GXYLT2: variants seen among roughly 807,000 people sequenced by gnomAD.
GXYLT2 encodes glucoside xylosyltransferase 2, also known as glycosyltransferase 8 domain containing 4.
A neutral mutation model predicts 45.8 loss-of-function variants in GXYLT2; 53 were observed. The ratio of observed to expected loss-of-function variants is 1.16; its 90% CI spans 0.93 to 1.46. The LOEUF (loss-of-function observed/expected upper bound fraction) is 1.46, where lower values mean the gene tolerates loss of function less well. Ranked by LOEUF, GXYLT2 falls within the 40% of genes most tolerant of loss-of-function variation. The probability of loss-of-function intolerance (pLI) is 0.00; values close to 1 mark genes in which losing one functional copy is unlikely to be tolerated. For missense variants in GXYLT2, 551 were observed against 544.4 expected (o/e 1.01, Z -0.12); for synonymous variants, 219 against 214.2 (o/e 1.02, Z -0.19).
At chr3:72,907,175 G>A (rs536379892) in intron 1 of GXYLT2, among the ~76,000 whole-genome samples, 7 of 152,230 alleles carry the variant, frequency 4.6e-5, no homozygotes, top group Admixed American at 3.3e-4. Flanking sequence ...TGTGATCCCC[G>A]AAGTAAATGG....
chr3:72,944,441 G>T (rs1021182581), intron 3 of GXYLT2, among the ~76,000 whole-genome samples: 1 of 151,948 alleles, frequency 6.6e-6, no homozygotes, highest in African/African-American at 2.4e-5. Flanking sequence ...TTTTAGTGGA[G>T]ATGGGGTTTC....
At chr3:72,953,263 C>T (rs1383893440) in intron 3 of GXYLT2, among the ~76,000 whole-genome samples, 1 of 152,168 alleles carries the variant, frequency 6.6e-6, no homozygotes, top group East Asian at 1.9e-4. Context: ...TTTATTAGGA[C>T]ACACAGCCAC....
chr3:72,974,920 C>A, intron 6 of GXYLT2, 57 bp from the exon 7 acceptor site: 1 of 1,257,498 alleles, frequency 8.0e-7, no homozygotes, highest in Non-Finnish European at 1.1e-6. Flanking sequence ...TAAAAATGAT[C>A]TGCATTTAAA....
chr3:72,914,911 C>T (rs947986737), intron 2 of GXYLT2, among the ~76,000 whole-genome samples: 11 of 152,058 alleles, frequency 7.2e-5, no homozygotes, highest in Admixed American at 5.2e-4. Context: ...TTGGGCCAGA[C>T]GCAGTGGCTC....
chr3:72,917,443 G>C (rs1709762789), intron 2 of GXYLT2, among the ~76,000 whole-genome samples: 1 of 152,078 alleles, frequency 6.6e-6, no homozygotes, highest in African/African-American at 2.4e-5. Flanking sequence ...CCTGGTGTGG[G>C]TTCTAATTGG....
intron 2 of GXYLT2, among the ~76,000 whole-genome samples, chr3:72,910,897 T>C (rs1275863775): frequency 6.6e-6 from 1 of 152,178 alleles, no homozygotes; most frequent in Non-Finnish European, 1.5e-5. Context: ...TCATGTCTTG[T>C]ACAATATCTG....
chr3:72,889,907 GTTTTTTTTTT>G (rs5850087), intron 1 of GXYLT2, among the ~76,000 whole-genome samples: 1 of 118,786 alleles, frequency 8.4e-6, no homozygotes, highest in East Asian at 2.5e-4. Flanking sequence ...TTTTTTTTTT[GTTTTTTTTTT>G]TTTTTTGTGA....
At chr3:72,929,559 G>C in intron 3 of GXYLT2, 1 of 1,147,674 alleles carries the variant, frequency 8.7e-7, no homozygotes, top group Admixed American at 1.7e-5. Context: ...ATATCTCTTT[G>C]ACAAGCACAC....
Position 72,908,308 on chromosome 3 carries a change from T to C in GXYLT2, c.276-59T>C, listed in dbSNP as rs568412895. 431 of 1,297,700 alleles carry C rather than the reference T, an allele frequency of 3.3e-4. 9 individuals are homozygous for C. The South Asian group carries it at 5.7e-3, about 17-fold the overall frequency. 80.4% of individuals were successfully genotyped at this position (1,297,700 alleles called of 1,614,324 possible). On this transcript the variant is annotated intron_variant, in intron 1 of 6. Coordinates refer to ENST00000389617, the MANE Select transcript of GXYLT2 (RefSeq NM_001080393.2). The stretch of plus-strand genomic sequence containing the variant: ...TTCTAACCATTCACTCGCCGGTTTT[T>C]TGTTGTTTTTACTTTTTTGAGTTTA...
chr3:72,943,758 G>A (rs1414293992), intron 3 of GXYLT2, among the ~76,000 whole-genome samples: 1 of 152,092 alleles, frequency 6.6e-6, no homozygotes, highest in African/African-American at 2.4e-5. Flanking sequence ...CAGTTCTGTG[G>A]CATTAAGGAC....
intron 5 of GXYLT2, among the ~76,000 whole-genome samples, chr3:72,965,468 C>A (rs1244201543): frequency 6.6e-6 from 1 of 152,182 alleles, no homozygotes; most frequent in African/African-American, 2.4e-5. Flanking sequence ...CAGGGTCTTT[C>A]TCATGATCAG....
At chr3:72,971,152 G>T (rs1392141343) in intron 6 of GXYLT2, among the ~76,000 whole-genome samples, 1 of 152,130 alleles carries the variant, frequency 6.6e-6, no homozygotes, top group Non-Finnish European at 1.5e-5. Flanking sequence ...GTCACCCCTG[G>T]TTTGGAGTTG....
chr3:72,961,970 T>G (rs1054311000), intron 5 of GXYLT2, among the ~76,000 whole-genome samples: 2 of 152,026 alleles, frequency 1.3e-5, no homozygotes, highest in Non-Finnish European at 2.9e-5. Flanking sequence ...TACACGTAGA[T>G]TGTGAGTCAA....
rs748420610 is a variant in GXYLT2 at position 72,967,627 on chromosome 3, C to T, written c.1057C>T (p.His353Tyr). 5 of 1,613,786 alleles carry T rather than the reference C, an allele frequency of 3.1e-6. No individual in the cohort carries two copies. The Admixed American group carries it at 5.0e-5, about 16-fold the overall frequency. ...MYGSNCREAE[H>Y]EGVSVLHGNR... is the part of the protein sequence containing the mutation. ...CGGAAGCAACTGCAGAGAGGCTGAGCATGAAGGTGTGTCTGTTCTGCATGG... is the reference window on the plus strand; with the variant it reads ...CGGAAGCAACTGCAGAGAGGCTGAGTATGAAGGTGTGTCTGTTCTGCATGG... Residue 353 changes from histidine (H) to tyrosine (Y), a missense_variant, in exon 6 of 7, where the codon CAT becomes TAT. His to Tyr is a moderately conservative substitution (Grantham distance 83, BLOSUM62 2). Transcript: ENST00000389617.
chr3:72,894,820 T>C (rs143178680), intron 1 of GXYLT2, among the ~76,000 whole-genome samples: 9 of 152,296 alleles, frequency 5.9e-5, no homozygotes, highest in East Asian at 3.9e-4. Flanking sequence ...TTGCAAACAA[T>C]TGTGGTTCTT....
Position 72,928,964 on chromosome 3 carries a change from C to G in GXYLT2, c.600+6629C>G, listed in dbSNP as rs115980940. 5,677 of 850,046 alleles carry G rather than the reference C, an allele frequency of 6.7e-3. 217 individuals carry two copies. In the African/African-American group the frequency reaches 0.084, roughly 13 times the overall value. 52.7% of individuals were successfully genotyped at this position (850,046 alleles called of 1,614,324 possible). On this transcript the variant is annotated intron_variant, in intron 3 of 6. Transcript: ENST00000389617. ...AGCCAGTCCTCCGTCACCACTTCAC[C>G]GCGCCCTCGGTACCGCCCCAAGGCC...
intron 2 of GXYLT2, among the ~76,000 whole-genome samples, chr3:72,916,741 A>G (rs1006283449): frequency 8.6e-5 from 13 of 151,496 alleles, no homozygotes; most frequent in Non-Finnish European, 1.5e-4. Flanking sequence ...GGGTTTCACC[A>G]TGTTGGCCAG....
At chr3:72,965,503 G>T (rs1448876620) in intron 5 of GXYLT2, among the ~76,000 whole-genome samples, 2 of 152,092 alleles carry the variant, frequency 1.3e-5, no homozygotes, top group Non-Finnish European at 2.9e-5. Flanking sequence ...AGAGAGCTTT[G>T]ATCCATACTC....
At chr3:72,957,124 T>C in intron 4 of GXYLT2, 105 bp from the exon 5 acceptor site, 1 of 1,192,878 alleles carries the variant, frequency 8.4e-7, no homozygotes, top group Non-Finnish European at 1.2e-6. Flanking sequence ...CCTGTATTTG[T>C]TTCCCTCCTC....
Sources: gnomAD v4.1 joint callset for allele counts (sites outside exome capture counted in the v4.1 genomes callset) on GRCh38, gnomAD v4.1.1 for gene constraint, MANE v1.5 for transcripts, NCBI Gene and HGNC (gene_info 2026-07-23, HGNC 2026-07-21) for gene names.